The following FAM171A1 variants were observed in gnomAD, a reference collection of about 807,000 sequenced individuals.
The protein encoded by FAM171A1 is protein FAM171A1.
In FAM171A1, 23 loss-of-function variants were observed where a neutral mutation model predicts 74.9. The ratio of observed to expected loss-of-function variants is 0.31; its 90% CI spans 0.22 to 0.44. The LOEUF (loss-of-function observed/expected upper bound fraction) is 0.44. Ranked by LOEUF, FAM171A1 falls within the 20% of genes least tolerant of loss-of-function variation. The pLI is 1.00. For missense variants in FAM171A1, 1,162 were observed against 1,159.2 expected (o/e 1.00, Z -0.03); for synonymous variants, 527 against 505.7 (o/e 1.04, Z -0.57).
At chr10:15,335,354 A>T (rs1297761312) in intron 1 of FAM171A1, among the ~76,000 whole-genome samples, 2 of 152,234 alleles carry the variant, frequency 1.3e-5, no homozygotes, top group East Asian at 3.8e-4. Context: ...AAGTTACCTC[A>T]TTTTAACAGT....
At chr10:15,234,226 T>C (rs973126135) in intron 5 of FAM171A1, among the ~76,000 whole-genome samples, 4 of 151,834 alleles carry the variant, frequency 2.6e-5, no homozygotes, top group Admixed American at 6.6e-5. Context: ...TAAAAGAGAT[T>C]ATAGCTCATA....
intron 1 of FAM171A1, among the ~76,000 whole-genome samples, chr10:15,286,169 A>T (rs561185918): frequency 6.6e-6 from 1 of 152,200 alleles, no homozygotes; most frequent in African/African-American, 2.4e-5. Context: ...AAACATTCCA[A>T]CATGGTGCTT....
At chr10:15,362,583 G>A (rs1182520530) in intron 1 of FAM171A1, among the ~76,000 whole-genome samples, 1 of 152,200 alleles carries the variant, frequency 6.6e-6, no homozygotes, top group Non-Finnish European at 1.5e-5. Flanking sequence ...AATTAGCCAG[G>A]AGTGGTGGCA....
chr10:15,260,885 G>A (rs1442829318), intron 3 of FAM171A1, among the ~76,000 whole-genome samples: 1 of 152,182 alleles, frequency 6.6e-6, no homozygotes, highest in Non-Finnish European at 1.5e-5. Flanking sequence ...GGGGAGGGGG[G>A]GCAAAGTCAC....
chr10:15,253,630 T>C (rs982951317), intron 4 of FAM171A1, among the ~76,000 whole-genome samples: 1 of 152,208 alleles, frequency 6.6e-6, no homozygotes, highest in African/African-American at 2.4e-5. Context: ...TTCAGAATAA[T>C]CAGTTTATGT....
chr10:15,268,331 C>T (rs1834774854), intron 3 of FAM171A1, among the ~76,000 whole-genome samples: 1 of 152,148 alleles, frequency 6.6e-6, no homozygotes, highest in South Asian at 2.1e-4. Context: ...AAACCTACTG[C>T]AGTGCCTGAG....
At chr10:15,330,800 C>T (rs1835620417) in intron 1 of FAM171A1, among the ~76,000 whole-genome samples, 1 of 150,212 alleles carries the variant, frequency 6.7e-6, no homozygotes, top group Non-Finnish European at 1.5e-5. Flanking sequence ...TCACTGTAAC[C>T]TCCACCTCCC....
At position 15,215,993 on chromosome 10, in the gene FAM171A1, T is replaced by C; in HGVS notation, c.986+3A>G. ...AGATATTGCCAAAATGGTAACACTT[T>C]ACCTGCAATAATATAAAAGGAGACA... is the stretch of plus-strand genomic sequence containing the variant. On this transcript the variant is annotated splice_donor_region_variant and intron_variant, in intron 7 of 7. Transcript: ENST00000378116. 6.3e-7 allele frequency: 1 copy of C among 1,582,382 alleles called. No individual in the cohort carries two copies. Among genetic ancestry groups the C allele is most frequent in the Non-Finnish European group, 8.6e-7 (1 of 1,164,386 alleles).
chr10:15,223,248 G>A (rs1222640504), intron 5 of FAM171A1, among the ~76,000 whole-genome samples: 3 of 152,202 alleles, frequency 2.0e-5, no homozygotes, highest in Non-Finnish European at 2.9e-5. Flanking sequence ...GGTAGAGAAT[G>A]TTTGCGACTG....
chr10:15,253,046 C>T (rs1462642072), intron 4 of FAM171A1, among the ~76,000 whole-genome samples: 2 of 152,088 alleles, frequency 1.3e-5, no homozygotes, highest in African/African-American at 2.4e-5. Context: ...ATCTGTTGCT[C>T]AGGCTGGAGT....
At chr10:15,354,114 A>C (rs1413634551) in intron 1 of FAM171A1, among the ~76,000 whole-genome samples, 1 of 152,144 alleles carries the variant, frequency 6.6e-6, no homozygotes, top group Non-Finnish European at 1.5e-5. Flanking sequence ...AGTGCAACCA[A>C]GTCACATCTG....
chr10:15,332,601 C>T (rs961778894), intron 1 of FAM171A1, among the ~76,000 whole-genome samples: 3 of 152,114 alleles, frequency 2.0e-5, no homozygotes. Context: ...TAGAGTTTGC[C>T]AACCTGTAAT....
At chr10:15,356,245 CATAT>C (rs34136690) in intron 1 of FAM171A1, among the ~76,000 whole-genome samples, 1 of 149,524 alleles carries the variant, frequency 6.7e-6, no homozygotes, top group East Asian at 1.9e-4. Context: ...TACATACATA[CATAT>C]ATATATATAA....
At chr10:15,283,746 G>T in intron 2 of FAM171A1, 132 bp downstream of exon 2, 1 of 814,186 alleles carries the variant, frequency 1.2e-6, no homozygotes, top group Non-Finnish European at 2.0e-6. Flanking sequence ...TATGATGCCT[G>T]GCTAATTTTA....
chr10:15,254,699 A>G, intron 4 of FAM171A1, 22 bp downstream of exon 4: 1 of 1,608,888 alleles, frequency 6.2e-7, no homozygotes, highest in East Asian at 2.2e-5. Flanking sequence ...CTCCCACTGA[A>G]AAGAGAAAAG....
chr10:15,371,018 A>G lies in FAM171A1; in HGVS notation c.35T>C (p.Leu12Pro). 2.5e-6 allele frequency: 3 copies of G among 1,183,046 alleles called. No individual in the cohort carries two copies. The highest frequency in any genetic ancestry group is 3.2e-6 in the Non-Finnish European group (3 of 933,440). 73.3% of individuals were successfully genotyped at this position (1,183,046 alleles called of 1,614,324 possible). A position where few individuals can be genotyped will look rare whatever the true frequency, so the allele number is the denominator to read the frequency against. Residue 12 changes from leucine to proline, a missense_variant, in exon 1 of 8, where the codon CTG becomes CCG. Transcript: ENST00000378116. Reference sequence around the variant, plus strand: ...CACCGCCTTCCAGACGTGGCAGCCCAGCAGGCACAGCAGCAGCGTCGCGGA... The same window carrying G: ...CACCGCCTTCCAGACGTGGCAGCCCGGCAGGCACAGCAGCAGCGTCGCGGA... ...SRSATLLLCL[L>P]GCHVWKAVTK...
intron 1 of FAM171A1, among the ~76,000 whole-genome samples, chr10:15,336,503 T>C (rs1307269880): frequency 1.3e-5 from 2 of 152,186 alleles, no homozygotes; most frequent in Non-Finnish European, 2.9e-5. Flanking sequence ...TGCAAAAATC[T>C]GTGTCCCATG....
chr10:15,336,622 A>T (rs1053796699), intron 1 of FAM171A1, among the ~76,000 whole-genome samples: 44 of 152,364 alleles, frequency 2.9e-4, no homozygotes, highest in Middle Eastern at 3.4e-3. Context: ...GTCTGGCCAG[A>T]AATGCTTCCT....
At chr10:15,217,110 T>C (rs1351353270) in intron 6 of FAM171A1, among the ~76,000 whole-genome samples, 1 of 152,224 alleles carries the variant, frequency 6.6e-6, no homozygotes, top group South Asian at 2.1e-4. Context: ...TACATAAGGT[T>C]ATCAAAGATA....
Sources: allele counts gnomAD v4.1 joint callset (sites outside exome capture counted in the v4.1 genomes callset), GRCh38; gene constraint gnomAD v4.1.1; transcripts MANE v1.5; gene names NCBI Gene and HGNC (gene_info 2026-07-23, HGNC 2026-07-21).